Variants in CELF2 observed in about 807,000 individuals in gnomAD.
The protein encoded by CELF2 is CUGBP Elav-like family member 2.
Under a neutral mutation model 62.6 loss-of-function variants are expected in CELF2, and 8 were observed. The ratio of observed to expected loss-of-function variants is 0.13; its 90% confidence interval spans 0.07 to 0.23. The LOEUF (loss-of-function observed/expected upper bound fraction) is 0.23. CELF2 is among the 10% of genes least tolerant of loss of function. CELF2 has a pLI of 1.00. For missense variants in CELF2, 333 were observed against 671.0 expected (o/e 0.50, Z 5.56); for synonymous variants, 258 against 250.0 (o/e 1.03, Z -0.30).
upstream of CELF2, among the ~76,000 whole-genome samples, chr10:11,014,625 GT>G (rs150946214): frequency 9.1e-4 from 134 of 147,804 alleles, 1 homozygote; most frequent in South Asian, 3.8e-3. Flanking sequence ...CATTGAGTGT[GT>G]TTTTTTTTTA....
chr10:11,114,944 G>C (rs1788039242), intron 1 of CELF2, among the ~76,000 whole-genome samples: 1 of 152,004 alleles, frequency 6.6e-6, no homozygotes, highest in Non-Finnish European at 1.5e-5. Flanking sequence ...TGTCCCTTTA[G>C]TATCCCCACT....
intron 9 of CELF2, among the ~76,000 whole-genome samples, chr10:11,299,364 G>T (rs1287252985): frequency 6.6e-6 from 1 of 151,916 alleles, no homozygotes; most frequent in African/African-American, 2.4e-5. Context: ...TGCGCCAGGT[G>T]ACCTCTTGCC....
the CELF2 span, among the ~76,000 whole-genome samples, chr10:10,653,601 C>G: frequency 8.4e-6 from 1 of 119,370 alleles, no homozygotes; most frequent in South Asian, 4.0e-4. Flanking sequence ...ACTGAACAAC[C>G]TGCTCCTGAA....
chr10:10,956,906 C>T (rs977186139), intron 2 of CELF2, among the ~76,000 whole-genome samples: 5 of 151,720 alleles, frequency 3.3e-5, no homozygotes. Flanking sequence ...AGCACTCCAG[C>T]CTGGGCGGTA....
intron 1 of CELF2, among the ~76,000 whole-genome samples, chr10:11,135,393 C>T (rs1379064590): frequency 2.6e-5 from 4 of 152,260 alleles, no homozygotes; most frequent in African/African-American, 9.6e-5. Context: ...AGGCCAAGTG[C>T]ATGGCTCATG....
the CELF2 span, among the ~76,000 whole-genome samples, chr10:10,656,151 C>T: frequency 6.9e-6 from 1 of 145,890 alleles, no homozygotes; most frequent in South Asian, 2.5e-4. Flanking sequence ...CAGAGAAATG[C>T]AAATCAAAAC....
rs1403855164 is a variant in CELF2 at position 11,297,875 on chromosome 10, G to A, written c.976+9323G>A. On this transcript the variant is annotated intron_variant, in intron 9 of 12. Transcript: ENST00000633077. The surrounding 1 kb of genome is among the most constrained non-coding windows in gnomAD (Gnocchi z 4.4). ...GCACACCTGTGGTTCCCAGCTACTC[G>A]GGAGGCTGAGGCAGGAAAATGACTT... Among the ~76,000 whole-genome samples, 2 of 152,070 alleles carry A rather than the reference G, an allele frequency of 1.3e-5. No individual in the cohort carries two copies. The highest frequency in any genetic ancestry group is 2.9e-5 in the Non-Finnish European group (2 of 68,000).
At position 11,269,027 on chromosome 10, in the gene CELF2, GA is replaced by G. The variant is rs1429651112; in HGVS notation, c.619-1632del. Among the ~76,000 whole-genome samples, 1 of 151,976 alleles carries G rather than the reference GA, an allele frequency of 6.6e-6. No individual in the cohort carries two copies. The highest frequency in any genetic ancestry group is 2.4e-5 in the African/African-American group (1 of 41,362). On this transcript the variant is annotated intron_variant, in intron 6 of 12. Coordinates refer to ENST00000633077, the MANE Select transcript of CELF2 (RefSeq NM_001326342.2). The surrounding 1 kb of genome is among the most constrained non-coding windows in gnomAD (Gnocchi z 4.4). ...TATATCATTTTTACTATTTAAGGAA[GA>G]AAAAAATAGATGTTCTGTTAGGAGA...
chr10:10,645,797 T>C, the CELF2 span, among the ~76,000 whole-genome samples: 1 of 152,218 alleles, frequency 6.6e-6, no homozygotes, highest in Admixed American at 6.5e-5. Flanking sequence ...TCTTCTGAGA[T>C]TGACAAATGA....
At chr10:10,728,015 G>A in the CELF2 span, among the ~76,000 whole-genome samples, 1 of 152,210 alleles carries the variant, frequency 6.6e-6, no homozygotes, top group East Asian at 1.9e-4. Flanking sequence ...CACAGGTAGA[G>A]GTGTCATGAC....
At chr10:11,056,098 A>G (rs575070522) in intron 1 of CELF2, among the ~76,000 whole-genome samples, 1 of 152,368 alleles carries the variant, frequency 6.6e-6, no homozygotes, top group Non-Finnish European at 1.5e-5. Flanking sequence ...CCATGTATAG[A>G]TAAACCCTCT....
At chr10:11,043,540 A>G (rs758350158) in intron 1 of CELF2, among the ~76,000 whole-genome samples, 10 of 152,068 alleles carry the variant, frequency 6.6e-5, no homozygotes, top group African/African-American at 1.2e-4. Flanking sequence ...GGATGCCTAC[A>G]TGGTTGCATC....
chr10:11,248,798 G>C (rs923226722), intron 3 of CELF2, among the ~76,000 whole-genome samples: 2 of 152,234 alleles, frequency 1.3e-5, no homozygotes, highest in Non-Finnish European at 2.9e-5. Context: ...GCTCAGAGAA[G>C]TTGAGACACT....
intron 1 of CELF2, among the ~76,000 whole-genome samples, chr10:11,047,684 A>G (rs2063108885): frequency 6.6e-6 from 1 of 152,192 alleles, no homozygotes. Flanking sequence ...TATTTTTAGA[A>G]GATTTAAAGT....
At position 11,008,752 on chromosome 10, in the gene CELF2, C is replaced by T. The variant is rs1030182402; in HGVS notation, c.53+3312C>T. On this transcript the variant is annotated intron_variant, in intron 1 of 12. Coordinates refer to the CELF2 transcript ENST00000416382. The surrounding 1 kb of genome is among the most constrained non-coding windows in gnomAD (Gnocchi z 4.5). ...TCAGAATTCATAGACGAAAAGCATA[C>T]CTTGGTTTTGTCATCATGGTAGTGA... Among the ~76,000 whole-genome samples, 1 of 152,078 alleles carries T rather than the reference C, an allele frequency of 6.6e-6. No individual in the cohort carries two copies. Among genetic ancestry groups the T allele is most frequent in the Non-Finnish European group, 1.5e-5 (1 of 68,014 alleles).
chr10:11,322,769 A>G (rs1460548254), intron 11 of CELF2, among the ~76,000 whole-genome samples: 3 of 152,016 alleles, frequency 2.0e-5, no homozygotes. Context: ...TTTGACTATT[A>G]TGGTAGGCTT....
chr10:11,235,310 C>T (rs1305883243), intron 3 of CELF2, among the ~76,000 whole-genome samples: 1 of 152,208 alleles, frequency 6.6e-6, no homozygotes, highest in Non-Finnish European at 1.5e-5. Context: ...TACTCCTTAA[C>T]ATAAAATCTC....
chr10:11,042,256 C>A (rs1478106650), intron 1 of CELF2, among the ~76,000 whole-genome samples: 1 of 152,174 alleles, frequency 6.6e-6, no homozygotes, highest in African/African-American at 2.4e-5. Flanking sequence ...TAAAGCCTGG[C>A]AGCACTGTTT....
chr10:10,851,141 C>T (rs965991532), intron 1 of CELF2, among the ~76,000 whole-genome samples: 2 of 152,116 alleles, frequency 1.3e-5, no homozygotes, highest in Non-Finnish European at 2.9e-5. Flanking sequence ...AAGTTGTCCA[C>T]GATGACTAAC....
Sources: gnomAD v4.1 joint callset for allele counts (sites outside exome capture counted in the v4.1 genomes callset) on GRCh38, gnomAD v4.1.1 for gene constraint, Gnocchi (gnomAD v3.1) non-coding constraint, MANE v1.5 for transcripts, NCBI Gene and HGNC (gene_info 2026-07-23, HGNC 2026-07-21) for gene names.